Variants in CEP85L observed in about 807,000 individuals in gnomAD.
The protein encoded by CEP85L is centrosomal protein 85L, also known as centrosomal protein of 85 kDa-like.
A neutral mutation model predicts 100.3 loss-of-function variants in CEP85L; 60 were observed. The ratio of observed to expected loss-of-function variants is 0.60; its 90% confidence interval spans 0.49 to 0.74. The LOEUF (loss-of-function observed/expected upper bound fraction) is 0.74. Ranked by LOEUF, CEP85L falls within the 30% of genes least tolerant of loss-of-function variation. The pLI is 0.00. For missense variants in CEP85L, 973 were observed against 936.2 expected (o/e 1.04, Z -0.51); for synonymous variants, 319 against 322.7 (o/e 0.99, Z 0.12).
chr6:118,486,555 T>G (rs1400209919), intron 6 of CEP85L, among the ~76,000 whole-genome samples: 1 of 152,192 alleles, frequency 6.6e-6, no homozygotes, highest in Non-Finnish European at 1.5e-5. Flanking sequence ...TGATCCAATC[T>G]TGTGTGGACC....
chr6:118,650,652 T>A (rs748876218), intron 1 of CEP85L, among the ~76,000 whole-genome samples: 5 of 152,038 alleles, frequency 3.3e-5, no homozygotes, highest in Non-Finnish European at 7.4e-5. Context: ...AGCGGCCGCA[T>A]CTCTGGCAGC....
intron 2 of CEP85L, chr6:118,589,584 A>C (rs1562288490): frequency 3.9e-6 from 1 of 259,684 alleles, no homozygotes; most frequent in Non-Finnish European, 8.3e-6. Context: ...TGCGAGAGAG[A>C]AAGTATCTAG....
chr6:118,660,334 G>A (rs1775931280), intron 1 of CEP85L, among the ~76,000 whole-genome samples: 1 of 152,236 alleles, frequency 6.6e-6, no homozygotes, highest in East Asian at 1.9e-4. Context: ...CCTCAAGTAA[G>A]AGCCACAGTG....
chr6:118,650,368 G>C (rs1004503086), intron 1 of CEP85L, among the ~76,000 whole-genome samples: 2 of 152,184 alleles, frequency 1.3e-5, no homozygotes, highest in Non-Finnish European at 2.9e-5. Context: ...CCCAAGTTAG[G>C]GGAGGATTTA....
chr6:118,651,513 C>G lies in CEP85L; in HGVS notation c.-244G>C. 13 of 1,267,752 alleles carry G rather than the reference C, an allele frequency of 1.0e-5. No individual in the cohort carries two copies. The highest frequency in any genetic ancestry group is 1.3e-5 in the Non-Finnish European group (13 of 1,007,230). 78.5% of individuals were successfully genotyped at this position (1,267,752 alleles called of 1,614,324 possible). ...GAGGCCCGCGCCGGGGAAGCGGCGA[C>G]TCGGCGGTGACGGCTGCTAGATCCC... On this transcript the variant is annotated 5_prime_UTR_variant, in exon 1 of 13. Transcript: ENST00000368491.
chr6:118,470,274 G>GA (rs1772848059), intron 11 of CEP85L, among the ~76,000 whole-genome samples: 1 of 151,758 alleles, frequency 6.6e-6, no homozygotes, highest in South Asian at 2.1e-4. Context: ...GGGGTGATTG[G>GA]AAAAAAACTT....
intron 1 of CEP85L, among the ~76,000 whole-genome samples, chr6:118,681,322 C>T (rs974777514): frequency 2.0e-5 from 3 of 151,994 alleles, no homozygotes. Context: ...TTCTCTGGCT[C>T]ATATATAGAA....
intron 2 of CEP85L, among the ~76,000 whole-genome samples, chr6:118,591,916 G>A (rs981197867): frequency 1.1e-4 from 17 of 152,172 alleles, no homozygotes; most frequent in East Asian, 9.6e-4. Context: ...ATAAATTAAC[G>A]AGAATTTAGA....
chr6:118,696,236 G>A (rs1777205367), intron 1 of CEP85L, among the ~76,000 whole-genome samples: 1 of 151,972 alleles, frequency 6.6e-6, no homozygotes, highest in Non-Finnish European at 1.5e-5. Context: ...CTGCACTCCA[G>A]CCTGGGTGAC....
At chr6:118,570,210 C>T (rs1044260450) in intron 2 of CEP85L, among the ~76,000 whole-genome samples, 1 of 152,166 alleles carries the variant, frequency 6.6e-6, no homozygotes, top group African/African-American at 2.4e-5. Context: ...CCACATTTTA[C>T]TTTATACAAT....
chr6:118,580,144 T>C (rs546954255), intron 2 of CEP85L, among the ~76,000 whole-genome samples: 1 of 152,224 alleles, frequency 6.6e-6, no homozygotes, highest in South Asian at 2.1e-4. Flanking sequence ...GCACTCAGGG[T>C]TCCCTCTCTC....
At chr6:118,672,279 C>CT (rs1776331511) in intron 1 of CEP85L, among the ~76,000 whole-genome samples, 4 of 152,176 alleles carry the variant, frequency 2.6e-5, no homozygotes, top group Admixed American at 2.0e-4. Flanking sequence ...CTCAAGTGAT[C>CT]TGCCCACCTT....
chr6:118,574,067 C>G (rs1339181787), intron 2 of CEP85L: 1 of 152,216 alleles, frequency 6.6e-6, no homozygotes, highest in African/African-American at 2.4e-5. Flanking sequence ...GCTTTGTACA[C>G]AGCCCTTCCT....
At chr6:118,652,680 G>A (rs1422806250), upstream of CEP85L, 2 of 1,528,450 alleles carry the variant, frequency 1.3e-6, no homozygotes, top group Non-Finnish European at 1.8e-6. Flanking sequence ...TTAGATTTAG[G>A]TGTGTGTTCT....
intron 2 of CEP85L, chr6:118,589,146 A>G: frequency 3.5e-6 from 1 of 283,014 alleles, no homozygotes; most frequent in South Asian, 5.0e-5. Flanking sequence ...AAGGCCTTCA[A>G]TGATATTGCC....
chr6:118,702,338 C>T (rs1277134294), intron 1 of CEP85L, among the ~76,000 whole-genome samples: 3 of 151,878 alleles, frequency 2.0e-5, no homozygotes, highest in Admixed American at 1.3e-4. Context: ...TAGGGAGACC[C>T]CATCTCTACA....
chr6:118,651,845 A>G (rs1410838907), upstream of CEP85L: 7 of 985,506 alleles, frequency 7.1e-6, no homozygotes, highest in Non-Finnish European at 8.4e-6. Flanking sequence ...GACTTGGCCT[A>G]TTTTGCGATA....
Position 118,527,011 on chromosome 6 carries a change from T to C in CEP85L, c.1021-3091A>G, listed in dbSNP as rs559774225. On this transcript the variant is annotated intron_variant, in intron 3 of 12. Coordinates refer to ENST00000368491, the MANE Select transcript of CEP85L (RefSeq NM_001042475.3). ...CATTCCTTTACTTTTTCTTTTTTTT[T>C]TTTTTTTTTTTTTTTTTAATTGAGA... 1.7e-3 allele frequency among the ~76,000 whole-genome samples: 250 copies of C among 144,056 alleles called. 3 individuals are homozygous for C. The highest frequency in any genetic ancestry group is 5.6e-3 in the African/African-American group (219 of 39,058). The allele number at this position is 144,056 out of a possible 152,430, so 94.5% of individuals were successfully genotyped here.
chr6:118,627,898 T>G (rs575742294), intron 2 of CEP85L, among the ~76,000 whole-genome samples: 1 of 152,110 alleles, frequency 6.6e-6, no homozygotes, highest in Non-Finnish European at 1.5e-5. Context: ...ATTCTAGTCT[T>G]CCGGGTGGTT....
Sources: gnomAD v4.1 joint callset for allele counts (sites outside exome capture counted in the v4.1 genomes callset) on GRCh38, gnomAD v4.1.1 for gene constraint, MANE v1.5 for transcripts, NCBI Gene and HGNC (gene_info 2026-07-23, HGNC 2026-07-21) for gene names.